The following CBL variants were observed in gnomAD, a reference collection of about 807,000 sequenced individuals.
CBL encodes E3 ubiquitin-protein ligase CBL.
CBL carries 45 observed loss-of-function variants against 96.9 expected under a neutral mutation model. The observed-to-expected ratio is 0.46, with a 90% CI of 0.37 to 0.60. The LOEUF (loss-of-function observed/expected upper bound fraction) is 0.60, where lower values mean the gene tolerates loss of function less well. Among genes scored for constraint, CBL ranks in the 20% least tolerant of loss-of-function variants. The pLI, the probability that CBL is intolerant of heterozygous loss-of-function variation, is 0.00. For synonymous variants in CBL, 420 were observed against 426.8 expected (o/e 0.98, Z 0.20); for missense variants, 1,024 against 1,143.5 (o/e 0.90, Z 1.51).
chr11:119,225,917 C>T (rs768047959), intron 1 of CBL, among the ~76,000 whole-genome samples: 15 of 151,946 alleles, frequency 9.9e-5, no homozygotes, highest in Non-Finnish European at 1.6e-4. Context: ...TTAGTAGAGA[C>T]GGGGTTTCAC....
chr11:119,244,132 T>G (rs1192420320), intron 2 of CBL, among the ~76,000 whole-genome samples: 1 of 152,168 alleles, frequency 6.6e-6, no homozygotes, highest in African/African-American at 2.4e-5. Flanking sequence ...TGTAGTAATA[T>G]GATCGCTAGA....
intron 2 of CBL, among the ~76,000 whole-genome samples, chr11:119,258,556 C>T (rs143988705): frequency 1.3e-5 from 2 of 152,254 alleles, no homozygotes; most frequent in Non-Finnish European, 2.9e-5. Flanking sequence ...TCCCACCAGG[C>T]GCCATCTCCA....
At chr11:119,214,984 A>G (rs1949347372) in intron 1 of CBL, among the ~76,000 whole-genome samples, 2 of 146,702 alleles carry the variant, frequency 1.4e-5, no homozygotes, top group South Asian at 2.1e-4. Context: ...TATTATAATT[A>G]TTGTAAAACA....
chr11:119,213,670 A>C (rs1342686687), intron 1 of CBL, among the ~76,000 whole-genome samples: 1 of 152,132 alleles, frequency 6.6e-6, no homozygotes, highest in East Asian at 1.9e-4. Flanking sequence ...AAGAGGGCCA[A>C]GCGGGTGACT....
intron 1 of CBL, among the ~76,000 whole-genome samples, chr11:119,217,030 T>G (rs1328583832): frequency 6.6e-6 from 1 of 152,246 alleles, no homozygotes; most frequent in African/African-American, 2.4e-5. Context: ...ATTTTACATC[T>G]GCAGATAAGT....
At chr11:119,298,986 G>A (rs1375405021) in intron 15 of CBL, among the ~76,000 whole-genome samples, 1 of 152,220 alleles carries the variant, frequency 6.6e-6, no homozygotes, top group Admixed American at 6.5e-5. Context: ...CTGCCTGGTA[G>A]GGCAGCAGCC....
intron 9 of CBL, among the ~76,000 whole-genome samples, chr11:119,283,981 G>T (rs142725848): frequency 1.3e-5 from 2 of 152,098 alleles, no homozygotes; most frequent in African/African-American, 4.8e-5. Context: ...AAGGACTCAA[G>T]ATGCTTTTTA....
chr11:119,225,049 G>GGT (rs143591231), intron 1 of CBL, among the ~76,000 whole-genome samples: 3,752 of 148,936 alleles, frequency 0.025, 98 homozygotes, highest in African/African-American at 0.067. Flanking sequence ...AACTCTTTGG[G>GGT]GTGTGTGTGT....
Position 119,304,956 on chromosome 11 carries a change from C to T in CBL, c.*5175C>T, listed in dbSNP as rs555365156. 4.9e-6 allele frequency: 1 copy of T among 202,916 alleles called. No homozygotes were observed. The highest frequency in any genetic ancestry group is 1.0e-5 in the Non-Finnish European group (1 of 98,696). 12.6% of individuals were successfully genotyped at this position (202,916 alleles called of 1,614,324 possible). A position where few individuals can be genotyped will look rare whatever the true frequency, so the allele number is the denominator to read the frequency against. On this transcript the variant is annotated 3_prime_UTR_variant, in exon 16 of 16. Coordinates refer to ENST00000264033, the MANE Select transcript of CBL (RefSeq NM_005188.4). The stretch of plus-strand genomic sequence containing the variant: ...TCGTATTCTTAAAAAAAACTACACT[C>T]AGCCCAGCACATTGATCAAGTATCT...
intron 2 of CBL, among the ~76,000 whole-genome samples, chr11:119,253,832 A>G (rs1177774513): frequency 2.2e-5 from 3 of 133,580 alleles, no homozygotes; most frequent in African/African-American, 8.7e-5. Flanking sequence ...GTGAGACCCC[A>G]TCTAAAAACA....
chr11:119,216,259 A>T (rs771005313), intron 1 of CBL, among the ~76,000 whole-genome samples: 16 of 152,152 alleles, frequency 1.1e-4, no homozygotes, highest in Admixed American at 4.6e-4. Context: ...GAAGGACTAA[A>T]ATGAGGCCAA....
In CBL at chr11:119,278,545, T is replaced by A. The variant is rs1592401139; in HGVS notation, c.1263T>A (p.Cys421Ter). 6.2e-7 allele frequency: 1 copy of A among 1,614,184 alleles called. No homozygotes were observed. The highest frequency in any genetic ancestry group is 8.5e-7 in the Non-Finnish European group (1 of 1,180,024). The change falls in exon 9 of 16, where the codon TGT (cysteine) becomes TGA (stop). Residue 421 changes from cysteine to a stop codon, truncating the protein, a stop_gained. Coordinates refer to ENST00000264033, the MANE Select transcript of CBL (RefSeq NM_005188.4). LOFTEE classifies it high-confidence loss of function. ...GTCAGGGCTGTCCTTTCTGCCGATG[T>A]GAAATTAAAGGTACTGAACCCATCG... ...SEGQGCPFCRCEIKGTEPIVV... is the reference protein window; with the variant it reads ...SEGQGCPFCR
chr11:119,269,873 T>C (rs1949830053), intron 2 of CBL, among the ~76,000 whole-genome samples: 2 of 152,014 alleles, frequency 1.3e-5, no homozygotes, highest in South Asian at 4.2e-4. Context: ...GGCGGGCGCC[T>C]GTAGTCCCAG....
intron 2 of CBL, among the ~76,000 whole-genome samples, chr11:119,253,590 T>G (rs1334742386): frequency 9.1e-5 from 1 of 10,986 alleles, no homozygotes; most frequent in Non-Finnish European, 1.8e-4. Flanking sequence ...TGCTTGAACC[T>G]GGGAGGTGGA....
intron 9 of CBL, among the ~76,000 whole-genome samples, chr11:119,280,024 G>A (rs1949921338): frequency 1.3e-5 from 2 of 152,160 alleles, no homozygotes; most frequent in African/African-American, 4.8e-5. Flanking sequence ...TCGGATAGGA[G>A]TTTAGAGGAA....
intron 4 of CBL, among the ~76,000 whole-genome samples, chr11:119,274,266 T>C (rs900620065): frequency 6.6e-6 from 1 of 152,194 alleles, no homozygotes; most frequent in Admixed American, 6.5e-5. Flanking sequence ...CTCACATCTT[T>C]CCTTGTTATT....
At chr11:119,232,740 G>T (rs1167135304) in intron 2 of CBL, 45 bp downstream of exon 2, 3 of 1,582,590 alleles carry the variant, frequency 1.9e-6, no homozygotes, top group Non-Finnish European at 2.6e-6. Flanking sequence ...GTCTGTGACT[G>T]CCTGAATGGG....
rs982314952 is a variant in CBL at position 119,306,186 on chromosome 11, C to T, written c.*6405C>T. On this transcript the variant is annotated 3_prime_UTR_variant, in exon 16 of 16. Transcript: ENST00000264033. Reference sequence around the variant, plus strand: ...AGGTGGGGAGCACGGGTGGAAGGGCCGGCTGTTGACAGACAGACTAAGCTG... The same window carrying T: ...AGGTGGGGAGCACGGGTGGAAGGGCTGGCTGTTGACAGACAGACTAAGCTG... 22 of 398,132 alleles carry T rather than the reference C, an allele frequency of 5.5e-5. No homozygotes were observed. Among genetic ancestry groups the T allele is most frequent in the East Asian group, 5.0e-4 (14 of 28,076 alleles). The allele number at this position is 398,132 out of a possible 1,614,324, so 24.7% of individuals were successfully genotyped here.
At chr11:119,277,237 T>TCACACACACA (rs1478200397) in intron 6 of CBL, among the ~76,000 whole-genome samples, 5 of 57,882 alleles carry the variant, frequency 8.6e-5, no homozygotes, top group South Asian at 8.1e-4. Flanking sequence ...TAAGAATCTG[T>TCACACACACA]CGCGCACACA....
Sources: gnomAD v4.1 joint callset for allele counts (sites outside exome capture counted in the v4.1 genomes callset) on GRCh38, gnomAD v4.1.1 for gene constraint, MANE v1.5 for transcripts, NCBI Gene and HGNC (gene_info 2026-07-23, HGNC 2026-07-21) for gene names.